PARD3: variants seen among roughly 807,000 people sequenced by gnomAD.
PARD3 encodes the protein par-3 family cell polarity regulator.
A neutral mutation model predicts 155.4 loss-of-function variants in PARD3; 75 were observed. That is an observed-to-expected ratio of 0.48 (90% CI 0.40 to 0.58). The LOEUF is 0.58. PARD3 is among the 20% of genes least tolerant of loss of function. PARD3 has a pLI of 0.00. For missense variants in PARD3, 1,642 were observed against 1,721.7 expected, an observed-to-expected ratio of 0.95 and a Z score of 0.82; for synonymous variants, 576 against 610.5, an observed-to-expected ratio of 0.94 and a Z score of 0.83.
At chr10:34,406,860 T>C (rs987058444) in intron 5 of PARD3, among the ~76,000 whole-genome samples, 1 of 151,674 alleles carries the variant, frequency 6.6e-6, no homozygotes, top group Non-Finnish European at 1.5e-5. Context: ...ATATTCAGAG[T>C]ATCCATTTGG....
chr10:34,646,396 C>T (rs1394086106), intron 2 of PARD3, among the ~76,000 whole-genome samples: 2 of 152,116 alleles, frequency 1.3e-5, no homozygotes, highest in African/African-American at 2.4e-5. Context: ...AAGTTTTCAC[C>T]TCTCTCCCCA....
At chr10:34,480,538 C>A (rs2079008831) in intron 3 of PARD3, among the ~76,000 whole-genome samples, 1 of 152,170 alleles carries the variant, frequency 6.6e-6, no homozygotes, top group Non-Finnish European at 1.5e-5. Context: ...CTCGCCCAAC[C>A]TGTTTCTACT....
intron 5 of PARD3, among the ~76,000 whole-genome samples, chr10:34,430,597 T>C (rs1326954196): frequency 6.6e-6 from 1 of 152,208 alleles, no homozygotes; most frequent in African/African-American, 2.4e-5. Context: ...TGAAATCGGT[T>C]CTATCATCTA....
At chr10:34,416,673 A>G (rs1845708597) in intron 5 of PARD3, among the ~76,000 whole-genome samples, 1 of 152,206 alleles carries the variant, frequency 6.6e-6, no homozygotes, top group African/African-American at 2.4e-5. Flanking sequence ...CTAGCCAGAC[A>G]CTGCCCAGTA....
At chr10:34,602,040 A>G (rs1224998921) in intron 2 of PARD3, among the ~76,000 whole-genome samples, 1 of 152,238 alleles carries the variant, frequency 6.6e-6, no homozygotes, top group East Asian at 1.9e-4. Flanking sequence ...GATTAAAATT[A>G]TAAAAAAAAG....
intron 22 of PARD3, among the ~76,000 whole-genome samples, chr10:34,225,171 GAC>G (rs1952522697): frequency 1.3e-5 from 2 of 152,222 alleles, no homozygotes; most frequent in South Asian, 4.1e-4. Context: ...TACACATCAT[GAC>G]AATACTGGAT....
At chr10:34,219,265 A>G (rs978837466) in intron 22 of PARD3, among the ~76,000 whole-genome samples, 1 of 152,216 alleles carries the variant, frequency 6.6e-6, no homozygotes, top group Non-Finnish European at 1.5e-5. Context: ...GGGGCCTGGC[A>G]GTAGGAAATG....
At chr10:34,561,216 C>T (rs955573765) in intron 2 of PARD3, among the ~76,000 whole-genome samples, 8 of 152,148 alleles carry the variant, frequency 5.3e-5, no homozygotes, top group Non-Finnish European at 1.2e-4. Flanking sequence ...AATCCTTTGG[C>T]CACCATCCCC....
In PARD3 at chr10:34,185,811, CTATATTATAT is replaced by C. The variant is rs200395816; in HGVS notation, c.3420-54238_3420-54229del. ...ATAAAACTGAACACAGTAACATCTT[CTATATTATAT>C]TATATTATATTATATTATATTATAT... is the stretch of plus-strand genomic sequence containing the variant. On this transcript the variant is annotated intron_variant, in intron 22 of 24. Transcript: ENST00000374788. Among the ~76,000 whole-genome samples the C allele has an allele frequency of 8.5e-3, 1,215 of 143,734 alleles. 7 individuals are homozygous for C. The highest frequency in any genetic ancestry group is 0.012 in the South Asian group (54 of 4,426). The allele number at this position is 143,734 out of a possible 152,430, so 94.3% of individuals were successfully genotyped here.
chr10:34,540,544 T>C (rs2083536721), intron 2 of PARD3, among the ~76,000 whole-genome samples: 1 of 152,142 alleles, frequency 6.6e-6, no homozygotes, highest in Admixed American at 6.6e-5. Flanking sequence ...AGCAGATGGC[T>C]TGGGCCCGGG....
chr10:34,347,898 T>C (rs1331651755), intron 15 of PARD3, 67 bp downstream of exon 15: 1 of 1,300,316 alleles, frequency 7.7e-7, no homozygotes, highest in Middle Eastern at 1.9e-4. Flanking sequence ...ATTACACCAA[T>C]AACCTCTCAG....
chr10:34,477,280 TTC>T (rs2133154985), intron 3 of PARD3, among the ~76,000 whole-genome samples: 1 of 152,338 alleles, frequency 6.6e-6, no homozygotes, highest in East Asian at 1.9e-4. Context: ...TCCCATAATC[TTC>T]TGATTTATTT....
chr10:34,760,460 T>C (rs998173524), intron 1 of PARD3, among the ~76,000 whole-genome samples: 2 of 152,140 alleles, frequency 1.3e-5, no homozygotes, highest in African/African-American at 2.4e-5. Context: ...GCTTCCCAAG[T>C]ACCTGGGATT....
At chr10:34,337,102 G>A (rs1286600423) in intron 17 of PARD3, among the ~76,000 whole-genome samples, 173 bp downstream of exon 17, 2 of 152,098 alleles carry the variant, frequency 1.3e-5, no homozygotes, top group African/African-American at 2.4e-5. Flanking sequence ...TGCCACTTAT[G>A]AGTAATATCG....
intron 22 of PARD3, among the ~76,000 whole-genome samples, chr10:34,211,518 A>G (rs144717184): frequency 5.4e-4 from 82 of 152,344 alleles, no homozygotes; most frequent in African/African-American, 1.8e-3. Flanking sequence ...GTGATGTTTC[A>G]CGCCTGTCAT....
At chr10:34,536,391 AAGTAAC>A (rs1322341338) in intron 2 of PARD3, among the ~76,000 whole-genome samples, 2 of 152,198 alleles carry the variant, frequency 1.3e-5, no homozygotes, top group East Asian at 3.8e-4. Context: ...TCTATGAAAG[AAGTAAC>A]AGTGCTAGCA....
At chr10:34,524,994 T>A (rs187534197) in intron 2 of PARD3, among the ~76,000 whole-genome samples, 1 of 152,212 alleles carries the variant, frequency 6.6e-6, no homozygotes, top group African/African-American at 2.4e-5. Context: ...TTCTGATGAC[T>A]GAATTTACTT....
At chr10:34,227,881 T>TATATATATATATATATATATATATAC (rs1199483392) in intron 22 of PARD3, among the ~76,000 whole-genome samples, 98 of 133,664 alleles carry the variant, frequency 7.3e-4, no homozygotes, top group African/African-American at 2.5e-3. Flanking sequence ...TATATATATA[T>TATATATATATATATATATATATATAC]ATACTGGGAA....
chr10:34,808,197 C>G (rs1476682883), intron 1 of PARD3, among the ~76,000 whole-genome samples: 2 of 147,754 alleles, frequency 1.4e-5, no homozygotes, highest in Admixed American at 6.8e-5. Context: ...AACTGTAGTC[C>G]CAGCTACTTG....
Sources: allele counts gnomAD v4.1 joint callset (sites outside exome capture counted in the v4.1 genomes callset), GRCh38; gene constraint gnomAD v4.1.1; transcripts MANE v1.5; gene names NCBI Gene and HGNC (gene_info 2026-07-23, HGNC 2026-07-21).